The following HSF4 variants were observed in gnomAD, a reference collection of about 807,000 sequenced individuals.
HSF4 encodes heat shock transcription factor 4.
HSF4 carries 41 observed loss-of-function variants against 52.0 expected under a neutral mutation model. That is an observed-to-expected ratio of 0.79 (90% CI 0.61 to 1.02). The LOEUF (loss-of-function observed/expected upper bound fraction) is 1.02, where lower values mean the gene tolerates loss of function less well. Among genes scored for constraint, HSF4 ranks in the 50% least tolerant of loss-of-function variants. The probability of loss-of-function intolerance (pLI) is 0.00; values close to 1 mark genes in which losing one functional copy is unlikely to be tolerated. For synonymous variants in HSF4, 285 were observed against 273.0 expected, an observed-to-expected ratio of 1.04 and a Z score of -0.43; for missense variants, 610 against 651.1, an observed-to-expected ratio of 0.94 and a Z score of 0.69.
upstream of HSF4, chr16:67,164,050 C>A (rs967535843): frequency 2.8e-6 from 2 of 715,810 alleles, no homozygotes; most frequent in Admixed American, 2.0e-5. Flanking sequence ...GGACACACTG[C>A]CCCCCTCTCT....
chr16:67,165,394 G>A lies in HSF4; in HGVS notation c.124-128G>A. The stretch of plus-strand genomic sequence containing the variant: ...CTGGCCTCGACCCATATCCCCGTAA[G>A]CGGCAGGCCTGGACCCAAGAGTGAG... On this transcript the variant is annotated intron_variant, in intron 1 of 12. Transcript: ENST00000521374. The surrounding 1 kb of genome is among the most constrained non-coding windows in gnomAD (Gnocchi z 6.9). 2.3e-6 allele frequency: 2 copies of A among 871,874 alleles called. No individual in the cohort carries two copies. Among genetic ancestry groups the A allele is most frequent in the Admixed American group, 2.0e-5 (1 of 48,876 alleles). The allele number at this position is 871,874 out of a possible 1,614,324, so 54.0% of individuals were successfully genotyped here.
chr16:67,164,789 C>T lies in HSF4; in HGVS notation c.-23C>T, dbSNP rs760188385. ...AGCCCGCAGCGGCCGGGCCCGAGCG[C>T]AGAGCCGGGCCGAGACTGCACCATG... On this transcript the variant is annotated 5_prime_UTR_variant, in exon 1 of 13. Coordinates refer to ENST00000521374, the MANE Select transcript of HSF4 (RefSeq NM_001374675.1). 7.0e-6 allele frequency: 11 copies of T among 1,581,340 alleles called. No homozygotes were observed. In the East Asian group the frequency reaches 2.5e-4, roughly 37 times the overall value.
At chr16:67,168,644 A>G (rs2031487551) in intron 9 of HSF4, among the ~76,000 whole-genome samples, 187 bp from the exon 10 acceptor site, 1 of 152,232 alleles carries the variant, frequency 6.6e-6, no homozygotes, top group African/African-American at 2.4e-5. Context: ...GGTCCCAGGT[A>G]GGAAGCAGAG....
In HSF4 at chr16:67,164,927, G is replaced by T. The variant is rs752164894; in HGVS notation, c.116G>T (p.Trp39Leu). The change falls in exon 1 of 13, where the codon TGG becomes TTG. Residue 39 changes from tryptophan to leucine, a missense_variant. Physicochemically the swap from Trp to Leu is moderately conservative, Grantham distance 61. Coordinates refer to ENST00000521374, the MANE Select transcript of HSF4 (RefSeq NM_001374675.1). ...GDPGTDHLIR[W>L]SPSGTSFLVS... ...CCAGGCACAGACCACCTGATCCGCTGGAGCCCGGTGAGGGCCGGGGCCCCT... is the reference window on the plus strand; with the variant it reads ...CCAGGCACAGACCACCTGATCCGCTTGAGCCCGGTGAGGGCCGGGGCCCCT... 6.2e-7 allele frequency: 1 copy of T among 1,605,898 alleles called. No individual in the cohort carries two copies. Among genetic ancestry groups the T allele is most frequent in the Non-Finnish European group, 8.5e-7 (1 of 1,178,450 alleles).
chr16:67,168,691 G>T (rs949390266), intron 9 of HSF4, 140 bp from the exon 10 acceptor site: 1 of 693,270 alleles, frequency 1.4e-6, no homozygotes, highest in East Asian at 2.6e-5. Flanking sequence ...GGAGTGGGGA[G>T]GTTGGGGGTG....
upstream of HSF4, chr16:67,164,254 G>A (rs1453499038): frequency 4.8e-6 from 2 of 419,826 alleles, no homozygotes; most frequent in South Asian, 1.8e-5. Context: ...GAGCCATCCC[G>A]GCAGAGGTTG....
chr16:67,163,829 C>G (rs2031041952), upstream of HSF4: 1 of 1,535,486 alleles, frequency 6.5e-7, no homozygotes, highest in Non-Finnish European at 8.7e-7. Flanking sequence ...GATTGGGCGA[C>G]TTCTCTCCCC....
In HSF4 at chr16:67,167,741, C is replaced by A; in HGVS notation, c.876C>A (p.Leu292=). The change falls in exon 9 of 13, where the codon CTC becomes CTA. Residue 292 remains leucine (L), a synonymous_variant. Coordinates refer to ENST00000521374, the MANE Select transcript of HSF4 (RefSeq NM_001374675.1). The part of the protein sequence containing the change: ...DGRREKGLAL[L]KEEPASPGGD... ...GCAGGGAGAAGGGCCTGGCACTGCT[C>A]AAAGAAGAGCCGGCCAGTCCAGGGG... 1.2e-6 allele frequency: 2 copies of A among 1,607,316 alleles called. No individual in the cohort carries two copies. Among genetic ancestry groups the A allele is most frequent in the South Asian group, 1.1e-5 (1 of 90,562 alleles).
chr16:67,169,907 C>T lies in HSF4; in HGVS notation c.*122C>T. ...TACTAAATGGCCTCTCTCCACTACC[C>T]CGACTATCCCTGCACATAAACTCCG... On this transcript the variant is annotated 3_prime_UTR_variant, in exon 13 of 13. Transcript: ENST00000521374. The surrounding 1 kb of genome is among the most constrained non-coding windows in gnomAD (Gnocchi z 4.3). 3.1e-6 allele frequency: 3 copies of T among 965,274 alleles called. No homozygotes were observed. Among genetic ancestry groups the T allele is most frequent in the Non-Finnish European group, 4.9e-6 (3 of 615,236 alleles). 59.8% of individuals were successfully genotyped at this position (965,274 alleles called of 1,614,324 possible).
In HSF4 at chr16:67,167,473, A is replaced by AGCCTCT; in HGVS notation, c.730-1_734dup. ...GGGCTGGGCCTAGCCTTCTACTTAC[A>AGCCTCT]GCCTCTCCCAGAGACAAATTTGGGC... On this transcript the variant is annotated splice_acceptor_variant, in intron 7 of 12. Coordinates refer to ENST00000521374, the MANE Select transcript of HSF4 (RefSeq NM_001374675.1). LOFTEE classifies it high-confidence loss of function. The AGCCTCT allele has an allele frequency of 6.2e-7, 1 of 1,613,798 alleles. No homozygotes were observed. Among genetic ancestry groups the AGCCTCT allele is most frequent in the Non-Finnish European group, 8.5e-7 (1 of 1,180,028 alleles).
Position 67,166,024 on chromosome 16 carries a change from C to A in HSF4, c.439C>A (p.Arg147=). The A allele has an allele frequency of 1.5e-6, 2 of 1,309,216 alleles. No homozygotes were observed. The highest frequency in any genetic ancestry group is 2.0e-6 in the Non-Finnish European group (2 of 1,010,272). 81.1% of individuals were successfully genotyped at this position (1,309,216 alleles called of 1,614,324 possible). A position where few individuals can be genotyped will look rare whatever the true frequency, so the allele number is the denominator to read the frequency against. ...GRLLGEVQAL[R]GVQESTEARL... is the part of the protein sequence containing the mutation. ...ACTACTGGGCGAGGTGCAGGCTTTG[C>A]GGGGAGTGCAGGAGAGCACCGAGGC... The change falls in exon 4 of 13, where the codon CGG becomes AGG. Residue 147 remains arginine, a synonymous_variant. Transcript: ENST00000521374.
Position 67,169,105 on chromosome 16 carries a change from A to G in HSF4, c.1254+4A>G. On this transcript the variant is annotated splice_donor_region_variant and intron_variant, in intron 11 of 12. Transcript: ENST00000521374. This position sits in a 1 kb window ranked among gnomAD's most constrained non-coding sequence, Gnocchi z 4.3. ...CTTGGACATGGAGCTGTCCTTGGTA[A>G]GAAGTGGGTCGGGGAGGGCAGAGGC... is the stretch of plus-strand genomic sequence containing the variant. The G allele has an allele frequency of 1.9e-6, 3 of 1,612,628 alleles. No homozygotes were observed. Among genetic ancestry groups the G allele is most frequent in the Non-Finnish European group, 2.5e-6 (3 of 1,179,986 alleles).
intron 6 of HSF4, 119 bp downstream of exon 6, chr16:67,166,741 G>A: frequency 8.5e-6 from 8 of 946,214 alleles, no homozygotes; most frequent in African/African-American, 1.6e-5. Context: ...CTCCCCCTGC[G>A]CTACAGGCTT....
chr16:67,165,177 C>T lies in HSF4; in HGVS notation c.123+243C>T. On this transcript the variant is annotated intron_variant, in intron 1 of 12. Coordinates refer to ENST00000521374, the MANE Select transcript of HSF4 (RefSeq NM_001374675.1). This position sits in a 1 kb window ranked among gnomAD's most constrained non-coding sequence, Gnocchi z 6.9. ...GACCTTCGAGGCCATTTAGTTCCCA[C>T]CCTACCCCATCCGACAGATGGGAAA... 1 of 597,424 alleles carries T rather than the reference C, an allele frequency of 1.7e-6. No homozygotes were observed. The highest frequency in any genetic ancestry group is 3.0e-6 in the Non-Finnish European group (1 of 336,958). The allele number at this position is 597,424 out of a possible 1,614,324, so 37.0% of individuals were successfully genotyped here.
upstream of HSF4, chr16:67,164,449 C>A (rs936183846): frequency 1.6e-5 from 8 of 505,412 alleles, no homozygotes; most frequent in African/African-American, 1.2e-4. Context: ...AGGACTTGCC[C>A]AGCCCACACC....
In HSF4 at chr16:67,167,762, AG is replaced by A. The variant is rs760309963; in HGVS notation, c.904del (p.Asp302MetfsTer17). The A allele has an allele frequency of 4.1e-5, 66 of 1,605,496 alleles. No homozygotes were observed. Among genetic ancestry groups the A allele is most frequent in the African/African-American group, 6.7e-5 (5 of 74,772 alleles). ...TGCTCAAAGAAGAGCCGGCCAGTCC[AG>A]GGGGGGATGGCGAGGCCGGGCTGGC... The part of the protein sequence containing the change: ...ALLKEEPASP[G>X]GDGEAGLALA... On this transcript the variant is annotated frameshift_variant, in exon 9 of 13. Coordinates refer to ENST00000521374, the MANE Select transcript of HSF4 (RefSeq NM_001374675.1). LOFTEE classifies it high-confidence loss of function.
At position 67,169,350 on chromosome 16, in the gene HSF4, T is replaced by C. The variant is rs777062954; in HGVS notation, c.1324+2T>C. ...AGGGGTTAAATTCTCCAAGCCCAGG[T>C]AATGGTTGTGATGACTCCTACCTGG... is the stretch of plus-strand genomic sequence containing the variant. On this transcript the variant is annotated splice_donor_variant, in intron 12 of 12. Transcript: ENST00000521374. LOFTEE classifies it high-confidence loss of function. The surrounding 1 kb of genome is among the most constrained non-coding windows in gnomAD (Gnocchi z 4.3). 3 of 1,612,480 alleles carry C rather than the reference T, an allele frequency of 1.9e-6. No individual in the cohort carries two copies. Among genetic ancestry groups the C allele is most frequent in the South Asian group, 1.1e-5 (1 of 90,712 alleles).
rs552072672 is a variant in HSF4, at chr16:67,164,849, G to T, written c.38G>T (p.Gly13Val). ...EAPAALPTEP[G>V]PSPVPAFLGK... is the part of the protein sequence containing the mutation. ...CCAGCTGCGCTGCCCACGGAGCCAG[G>T]CCCCAGCCCCGTGCCTGCCTTCCTC... The change falls in exon 1 of 13, where the codon GGC becomes GTC. Residue 13 changes from glycine (G) to valine (V), a missense_variant. Transcript: ENST00000521374. 3.7e-6 allele frequency: 6 copies of T among 1,604,856 alleles called. No individual in the cohort carries two copies. The South Asian group carries it at 4.4e-5, about 12-fold the overall frequency.
rs2031596028 is a variant in HSF4 at position 67,169,550 on chromosome 16, A to G, written c.1325-81A>G. 1 of 1,598,744 alleles carries G rather than the reference A, an allele frequency of 6.3e-7. No individual in the cohort carries two copies. The highest frequency in any genetic ancestry group is 1.3e-5 in the African/African-American group (1 of 74,866). ...GGATGTTTTATCCTAACTGAGCAGA[A>G]GGCAGGCGGGCAGGGCTCTCCTTCC... On this transcript the variant is annotated intron_variant, in intron 12 of 12. Coordinates refer to ENST00000521374, the MANE Select transcript of HSF4 (RefSeq NM_001374675.1). The surrounding 1 kb of genome is among the most constrained non-coding windows in gnomAD (Gnocchi z 4.3).
Sources: gnomAD v4.1 joint callset for allele counts (sites outside exome capture counted in the v4.1 genomes callset) on GRCh38, gnomAD v4.1.1 for gene constraint, Gnocchi (gnomAD v3.1) non-coding constraint, MANE v1.5 for transcripts, NCBI Gene and HGNC (gene_info 2026-07-23, HGNC 2026-07-21) for gene names.